Variants in CTNNA2 observed in about 807,000 individuals in gnomAD.
CTNNA2 encodes the protein catenin alpha 2.
A neutral mutation model predicts 101.0 loss-of-function variants in CTNNA2; 42 were observed. The observed-to-expected ratio is 0.42, with a 90% CI of 0.32 to 0.54. The LOEUF is 0.54. Ranked by LOEUF, CTNNA2 falls within the 20% of genes least tolerant of loss-of-function variation. The pLI, the probability that CTNNA2 is intolerant of heterozygous loss-of-function variation, is 0.14. For synonymous variants in CTNNA2, 450 were observed against 456.4 expected (o/e 0.99, Z 0.18); for missense variants, 871 against 1,223.1 (o/e 0.71, Z 4.29).
chr2:79,325,997 G>C (rs2104413750), intron 3 of CTNNA2, among the ~76,000 whole-genome samples: 1 of 152,308 alleles, frequency 6.6e-6, no homozygotes, highest in East Asian at 1.9e-4. Flanking sequence ...TGTATGCCTA[G>C]AGGTGGACGT....
At chr2:80,598,204 G>A (rs1189807010) in intron 15 of CTNNA2, among the ~76,000 whole-genome samples, 2 of 151,772 alleles carry the variant, frequency 1.3e-5, no homozygotes, top group African/African-American at 4.8e-5. Context: ...ACTAACAAAG[G>A]AACAAAAAAA....
At chr2:80,118,449 T>A (rs942436611) in intron 7 of CTNNA2, among the ~76,000 whole-genome samples, 1 of 152,244 alleles carries the variant, frequency 6.6e-6, no homozygotes, top group African/African-American at 2.4e-5. Context: ...CTTGTATTTA[T>A]GCTTCCTTAA....
At chr2:79,830,476 T>A (rs1678846543) in intron 3 of CTNNA2, among the ~76,000 whole-genome samples, 1 of 151,910 alleles carries the variant, frequency 6.6e-6, no homozygotes, top group Non-Finnish European at 1.5e-5. Flanking sequence ...CTAAAAAAAA[T>A]TTCAAAAACA....
chr2:79,688,125 G>T (rs1322268406), intron 2 of CTNNA2, among the ~76,000 whole-genome samples: 2 of 152,090 alleles, frequency 1.3e-5, no homozygotes, highest in South Asian at 4.1e-4. Context: ...GTGGTCCCAG[G>T]ATGGTAGTGA....
chr2:80,000,071 CA>C (rs1420198676), intron 7 of CTNNA2, among the ~76,000 whole-genome samples: 3 of 152,098 alleles, frequency 2.0e-5, no homozygotes, highest in African/African-American at 7.2e-5. Flanking sequence ...TAGTTATTTA[CA>C]GATGAAGAAT....
chr2:80,478,684 T>G (rs1685911801), intron 9 of CTNNA2, among the ~76,000 whole-genome samples: 2 of 152,112 alleles, frequency 1.3e-5, no homozygotes, highest in Admixed American at 1.3e-4. Flanking sequence ...ATCAACTGAT[T>G]GTAGGTATTT....
chr2:79,731,255 C>A (rs185648126), intron 2 of CTNNA2, among the ~76,000 whole-genome samples: 11 of 152,130 alleles, frequency 7.2e-5, no homozygotes, highest in Admixed American at 7.2e-4. Flanking sequence ...GTACTTGAAT[C>A]TCCTGTGTTT....
At chr2:80,291,074 G>T (rs1201331282) in intron 7 of CTNNA2, among the ~76,000 whole-genome samples, 1 of 152,178 alleles carries the variant, frequency 6.6e-6, no homozygotes, top group African/African-American at 2.4e-5. Context: ...ACAAGGTGTG[G>T]CTTGAAACAC....
intron 1 of CTNNA2, among the ~76,000 whole-genome samples, chr2:79,620,233 C>T (rs1036721182): frequency 3.3e-5 from 5 of 152,200 alleles, no homozygotes; most frequent in African/African-American, 1.2e-4. Flanking sequence ...CCCCCACCAG[C>T]TCTCCAACTG....
At chr2:80,011,367 C>G (rs947932121) in intron 7 of CTNNA2, among the ~76,000 whole-genome samples, 3 of 152,114 alleles carry the variant, frequency 2.0e-5, no homozygotes, top group Admixed American at 6.6e-5. Context: ...AAGAGTTGCT[C>G]TAGTTGAAGT....
chr2:79,737,343 C>T (rs1191452895), intron 2 of CTNNA2, among the ~76,000 whole-genome samples: 4 of 143,500 alleles, frequency 2.8e-5, no homozygotes, highest in Non-Finnish European at 4.6e-5. Flanking sequence ...AGTGAGACTC[C>T]GTCTCAAAAA....
chr2:80,184,654 C>T (rs1330135187), intron 7 of CTNNA2, among the ~76,000 whole-genome samples: 1 of 152,042 alleles, frequency 6.6e-6, no homozygotes, highest in Non-Finnish European at 1.5e-5. Context: ...CAATGAACTC[C>T]CCAATGGATT....
chr2:80,175,997 T>C (rs1705371221), intron 7 of CTNNA2, among the ~76,000 whole-genome samples: 1 of 152,188 alleles, frequency 6.6e-6, no homozygotes, highest in African/African-American at 2.4e-5. Flanking sequence ...GACTAGATGG[T>C]GTCCACCCAG....
Position 80,577,829 on chromosome 2 carries a change from G to A in CTNNA2, c.1893+3515G>A, listed in dbSNP as rs116669113. ...GCTCTCCTGCCAACCTATATTCTCA[G>A]CCTTCTCCCAGTGAAATTCTCATAC... On this transcript the variant is annotated intron_variant, in intron 13 of 18. Coordinates refer to ENST00000402739, the MANE Select transcript of CTNNA2 (RefSeq NM_001282597.3). 3.6e-3 allele frequency among the ~76,000 whole-genome samples: 545 copies of A among 152,184 alleles called. 3 individuals are homozygous for A. The highest frequency in any genetic ancestry group is 0.012 in the African/African-American group (514 of 41,516).
At chr2:79,823,703 T>A (rs907787894) in intron 3 of CTNNA2, among the ~76,000 whole-genome samples, 6 of 152,290 alleles carry the variant, frequency 3.9e-5, no homozygotes, top group Admixed American at 2.6e-4. Context: ...TACCTACAAA[T>A]TTGTCATCTC....
intron 6 of CTNNA2, among the ~76,000 whole-genome samples, chr2:79,908,955 T>G (rs1323362504): frequency 1.3e-5 from 2 of 152,222 alleles, no homozygotes; most frequent in East Asian, 3.8e-4. Context: ...AATATCACTA[T>G]TTTCCTCTTA....
chr2:79,548,249 A>T (rs1673863653), intron 1 of CTNNA2: 1 of 152,246 alleles, frequency 6.6e-6, no homozygotes, highest in African/African-American at 2.4e-5. Context: ...ACTAATGAGC[A>T]TGAAAGATAC....
chr2:80,356,526 G>A (rs947924013), intron 7 of CTNNA2, among the ~76,000 whole-genome samples: 1 of 152,138 alleles, frequency 6.6e-6, no homozygotes, highest in African/African-American at 2.4e-5. Context: ...GCCAGCCACT[G>A]TCCTGGCAAT....
chr2:79,497,594 C>A (rs1671272541), intron 4 of CTNNA2, among the ~76,000 whole-genome samples: 1 of 152,144 alleles, frequency 6.6e-6, no homozygotes, highest in South Asian at 2.1e-4. Context: ...CTGCAGTTAA[C>A]CTAGCACACC....
Sources: allele counts gnomAD v4.1 joint callset (sites outside exome capture counted in the v4.1 genomes callset), GRCh38; gene constraint gnomAD v4.1.1; transcripts MANE v1.5; gene names NCBI Gene and HGNC (gene_info 2026-07-23, HGNC 2026-07-21).